The following KCNIP1 variants were observed in gnomAD, a reference collection of about 807,000 sequenced individuals.
The protein encoded by KCNIP1 is A-type potassium channel modulatory protein KCNIP1.
Under a neutral mutation model 33.0 loss-of-function variants are expected in KCNIP1, and 18 were observed. That is an observed-to-expected ratio of 0.55 (90% CI 0.38 to 0.81). KCNIP1 has a LOEUF of 0.81. Among genes scored for constraint, KCNIP1 ranks in the 30% least tolerant of loss-of-function variants. The probability of loss-of-function intolerance (pLI) is 0.00; values close to 1 mark genes in which losing one functional copy is unlikely to be tolerated. For missense variants in KCNIP1, 238 were observed against 271.6 expected (o/e 0.88, Z 0.87); for synonymous variants, 93 against 98.3 (o/e 0.95, Z 0.32).
intron 5 of KCNIP1, among the ~76,000 whole-genome samples, chr5:170,731,264 A>G (rs906432419): frequency 1.3e-5 from 2 of 152,216 alleles, no homozygotes; most frequent in Non-Finnish European, 1.5e-5. Flanking sequence ...AGGTTATACC[A>G]TCACTTCTGT....
chr5:170,634,737 A>G (rs564631373), intron 1 of KCNIP1, among the ~76,000 whole-genome samples: 181 of 152,358 alleles, frequency 1.2e-3, no homozygotes, highest in Non-Finnish European at 2.0e-3. Flanking sequence ...GAGGAAGGCC[A>G]GGCAGATGTG....
chr5:170,577,198 C>A (rs1757631466), intron 1 of KCNIP1, among the ~76,000 whole-genome samples: 2 of 152,168 alleles, frequency 1.3e-5, no homozygotes, highest in South Asian at 4.1e-4. Flanking sequence ...TAAACACAGA[C>A]CTGATTTTTC....
At chr5:170,658,634 C>T (rs929410028) in intron 1 of KCNIP1, among the ~76,000 whole-genome samples, 1 of 152,046 alleles carries the variant, frequency 6.6e-6, no homozygotes, top group African/African-American at 2.4e-5. Context: ...CCCTTCCTGC[C>T]GGTGGTGGGC....
chr5:170,510,761 G>A (rs1311074558), intron 1 of KCNIP1, among the ~76,000 whole-genome samples: 1 of 152,152 alleles, frequency 6.6e-6, no homozygotes, highest in African/African-American at 2.4e-5. Flanking sequence ...GTGCGGTGGG[G>A]GGAAGTAGGA....
intron 1 of KCNIP1, among the ~76,000 whole-genome samples, chr5:170,587,412 A>C: frequency 8.9e-6 from 1 of 112,512 alleles, no homozygotes; most frequent in East Asian, 2.6e-4. Context: ...ACAGAGCGAG[A>C]CTCTGTCTCA....
At chr5:170,503,405 A>AAAG (rs1554096867), upstream of KCNIP1, among the ~76,000 whole-genome samples, 2 of 151,250 alleles carry the variant, frequency 1.3e-5, no homozygotes, top group East Asian at 3.9e-4. Flanking sequence ...AAAAAAAAAA[A>AAAG]AAAAGAAAAA....
chr5:170,495,168 G>A (rs764314181), intron 1 of KCNIP1, among the ~76,000 whole-genome samples: 9 of 152,142 alleles, frequency 5.9e-5, no homozygotes, highest in Non-Finnish European at 1.2e-4. Context: ...GTGGGCTTAC[G>A]GAGCATGGAG....
At chr5:170,487,174 T>C (rs2113188810) in intron 1 of KCNIP1, among the ~76,000 whole-genome samples, 1 of 152,278 alleles carries the variant, frequency 6.6e-6, no homozygotes, top group South Asian at 2.1e-4. Context: ...GCAAGAAGCC[T>C]AGGGAAAAGT....
At chr5:170,368,975 CAGAG>C (rs945979887) in intron 1 of KCNIP1, among the ~76,000 whole-genome samples, 1 of 152,146 alleles carries the variant, frequency 6.6e-6, no homozygotes, top group Admixed American at 6.5e-5. Context: ...GAGACAGAGA[CAGAG>C]AGAAAATCCA....
At chr5:170,381,443 C>T (rs1257114793) in intron 1 of KCNIP1, among the ~76,000 whole-genome samples, 1 of 152,228 alleles carries the variant, frequency 6.6e-6, no homozygotes. Context: ...TGAGAGTCTT[C>T]TTGGCCCTTC....
At chr5:170,497,235 T>A (rs1757327121) in intron 1 of KCNIP1, among the ~76,000 whole-genome samples, 1 of 152,158 alleles carries the variant, frequency 6.6e-6, no homozygotes, top group Non-Finnish European at 1.5e-5. Flanking sequence ...ATGACCTGCC[T>A]TTTTCATGAG....
intron 1 of KCNIP1, among the ~76,000 whole-genome samples, chr5:170,656,127 C>T (rs1761256016): frequency 6.6e-6 from 1 of 152,170 alleles, no homozygotes; most frequent in Non-Finnish European, 1.5e-5. Context: ...AGGATGTGAC[C>T]TCTAAGTGCT....
chr5:170,526,725 T>TGC (rs57674063), intron 1 of KCNIP1, among the ~76,000 whole-genome samples: 3 of 143,398 alleles, frequency 2.1e-5, no homozygotes, highest in African/African-American at 8.6e-5. Context: ...TTAGCTTTTT[T>TGC]TTTTTTTTTT....
chr5:170,559,967 G>A (rs1266827329), intron 1 of KCNIP1, among the ~76,000 whole-genome samples: 1 of 152,284 alleles, frequency 6.6e-6, no homozygotes, highest in African/African-American at 2.4e-5. Flanking sequence ...ACATAAGGCT[G>A]TGTCTCCCAG....
Position 170,504,242 on chromosome 5 carries a change from G to A in KCNIP1, c.-331G>A. 1 of 1,093,010 alleles carries A rather than the reference G, an allele frequency of 9.1e-7. No homozygotes were observed. The highest frequency in any genetic ancestry group is 5.5e-5 in the East Asian group (1 of 18,200). 67.7% of individuals were successfully genotyped at this position (1,093,010 alleles called of 1,614,324 possible). On this transcript the variant is annotated 5_prime_UTR_variant, in exon 1 of 8. Coordinates refer to ENST00000328939, the MANE Select transcript of KCNIP1 (RefSeq NM_014592.4). The surrounding 1 kb of genome is among the most constrained non-coding windows in gnomAD (Gnocchi z 6.0). ...GCTCGGCAGCCTCGGCCGGGCGGCC[G>A]CTCTGGCCCCGTGTCCAGTGCCAGG...
intron 1 of KCNIP1, among the ~76,000 whole-genome samples, chr5:170,699,560 A>C (rs1323525981): frequency 4.3e-5 from 6 of 138,588 alleles, no homozygotes; most frequent in African/African-American, 9.5e-5. Flanking sequence ...CTCTGTGAAA[A>C]AAAAAAAAAA....
At chr5:170,563,645 T>C (rs1757111082) in intron 1 of KCNIP1, among the ~76,000 whole-genome samples, 3 of 151,114 alleles carry the variant, frequency 2.0e-5, no homozygotes, top group African/African-American at 7.3e-5. Flanking sequence ...TTTTTTTTTG[T>C]TTGTTTGTTT....
intron 1 of KCNIP1, among the ~76,000 whole-genome samples, chr5:170,598,033 T>A (rs912612662): frequency 6.6e-6 from 1 of 152,100 alleles, no homozygotes; most frequent in African/African-American, 2.4e-5. Flanking sequence ...TGGCCCCCAC[T>A]CCTGCCTCCC....
chr5:170,366,752 G>T (rs1167062607), intron 1 of KCNIP1, among the ~76,000 whole-genome samples: 4 of 152,196 alleles, frequency 2.6e-5, no homozygotes, highest in African/African-American at 9.7e-5. Flanking sequence ...GGGGCACAGG[G>T]ATGGAGGGTA....
Sources: gnomAD v4.1 joint callset for allele counts (sites outside exome capture counted in the v4.1 genomes callset) on GRCh38, gnomAD v4.1.1 for gene constraint, Gnocchi (gnomAD v3.1) non-coding constraint, MANE v1.5 for transcripts, NCBI Gene and HGNC (gene_info 2026-07-23, HGNC 2026-07-21) for gene names.